GPR17: variants seen among roughly 807,000 people sequenced by gnomAD.
GPR17 encodes the protein uracil nucleotide/cysteinyl leukotriene receptor.
In GPR17, 4 loss-of-function variants were observed where a neutral mutation model predicts 1.5. That is an observed-to-expected ratio of 2.73 (90% CI 1.35 to 6.25). The LOEUF is 6.25. Ranked by LOEUF, GPR17 falls within the 30% of genes most tolerant of loss-of-function variation. The pLI, the probability that GPR17 is intolerant of heterozygous loss-of-function variation, is 0.00. For missense variants in GPR17, 463 were observed against 462.1 expected (o/e 1.00, Z -0.02); for synonymous variants, 209 against 207.6 (o/e 1.01, Z -0.06).
rs367618747 is a variant in GPR17 at position 127,651,252 on chromosome 2, G to A, written c.517G>A (p.Val173Met). 1.8e-4 allele frequency: 295 copies of A among 1,606,194 alleles called. No homozygotes were observed. Among genetic ancestry groups the A allele is most frequent in the African/African-American group, 6.0e-4 (45 of 75,038 alleles). The change falls in exon 2 of 2, where the codon GTG becomes ATG. Residue 173 changes from valine to methionine, a missense_variant. Transcript: ENST00000486700. ...CCCGCTGCTGGTGAGCCCACAGACC[G>A]TGCAGACCAACCACACGGTGGTCTG... is the stretch of plus-strand genomic sequence containing the variant. The part of the protein sequence containing the change: ...MAPLLVSPQT[V>M]QTNHTVVCLQ...
chr2:127,650,309 GC>G, intron 1 of GPR17: 1 of 569,178 alleles, frequency 1.8e-6, no homozygotes, highest in Non-Finnish European at 3.1e-6. Context: ...GAGACACACT[GC>G]CCCCGCCCCT....
At position 127,650,784 on chromosome 2, in the gene GPR17, C is replaced by G. The variant is rs147409022; in HGVS notation, c.49C>G (p.Leu17Val). 30 of 1,613,736 alleles carry G rather than the reference C, an allele frequency of 1.9e-5. No homozygotes were observed. The highest frequency in any genetic ancestry group is 2.7e-5 in the African/African-American group (2 of 74,930). Residue 17 changes from leucine to valine, a missense_variant, in exon 2 of 2, where the codon CTG (leucine) becomes GTG (valine). Transcript: ENST00000486700. ...CCCAGGTCTGATCACCAACTTCTCC[C>G]TGGCCACGGCAGAGCAATGTGGCCA... ...APPGLITNFS[L>V]ATAEQCGQET...
At position 127,647,857 on chromosome 2, in the gene GPR17, GCC is replaced by G. The variant is rs1209226199; in HGVS notation, c.-21+1618_-21+1619del. Among the ~76,000 whole-genome samples, 1 of 151,892 alleles carries G rather than the reference GCC, an allele frequency of 6.6e-6. No homozygotes were observed. Among genetic ancestry groups the G allele is most frequent in the Non-Finnish European group, 1.5e-5 (1 of 67,944 alleles). ...CAACACGACACCCTCAAAGTCATGG[GCC>G]CCCCTCCCCTGCCACCGTCCCACCG... On this transcript the variant is annotated intron_variant, in intron 1 of 1. Coordinates refer to ENST00000486700, the MANE Select transcript of GPR17 (RefSeq NM_001161417.2). This position sits in a 1 kb window ranked among gnomAD's most constrained non-coding sequence, Gnocchi z 4.3.
chr2:127,648,269 C>CG, intron 1 of GPR17: 2 of 884,500 alleles, frequency 2.3e-6, no homozygotes, highest in Non-Finnish European at 2.7e-6. Flanking sequence ...ACTCTGAAGC[C>CG]GGGGGCAATC....
Position 127,650,817 on chromosome 2 carries a change from C to T in GPR17, c.82C>T (p.Pro28Ser). ...ATAEQCGQET[P>S]LENMLFASFY... ...GGCAGAGCAATGTGGCCAGGAGACG[C>T]CACTGGAGAACATGCTGTTCGCCTC... Residue 28 changes from proline (P) to serine (S), a missense_variant, in exon 2 of 2, where the codon CCA (proline) becomes TCA (serine). Physicochemically the swap from Pro to Ser is moderately conservative, Grantham distance 74. Transcript: ENST00000486700. 1 of 1,613,906 alleles carries T rather than the reference C, an allele frequency of 6.2e-7. No individual in the cohort carries two copies. Among genetic ancestry groups the T allele is most frequent in the South Asian group, 1.1e-5 (1 of 91,086 alleles).
At chr2:127,650,633 G>T in intron 1 of GPR17, 83 bp from the exon 2 acceptor site, 1 of 953,542 alleles carries the variant, frequency 1.0e-6, no homozygotes. Context: ...TGAAGGCATT[G>T]GAGGCCTGAC....
chr2:127,651,190 G>C lies in GPR17; in HGVS notation c.455G>C (p.Cys152Ser), dbSNP rs1190926520. Residue 152 changes from cysteine (C) to serine (S), a missense_variant, in exon 2 of 2, where the codon TGT becomes TCT. Coordinates refer to ENST00000486700, the MANE Select transcript of GPR17 (RefSeq NM_001161417.2). ...LRRPLYAHLA[C>S]AFLWVVVAVA... ...AGGCCCCTCTACGCACACCTGGCCT[G>C]TGCCTTCCTGTGGGTGGTGGTGGCT... The C allele has an allele frequency of 6.2e-7, 1 of 1,611,360 alleles. No homozygotes were observed. Among genetic ancestry groups the C allele is most frequent in the South Asian group, 1.1e-5 (1 of 91,014 alleles).
rs934029152 is a variant in GPR17, at chr2:127,651,294, G to A, written c.559G>A (p.Glu187Lys). Residue 187 changes from glutamate (E) to lysine (K), a missense_variant, in exon 2 of 2, where the codon GAG becomes AAG. Glu to Lys is a moderately conservative substitution (Grantham distance 56). Transcript: ENST00000486700. ...GGTGGTCTGCCTGCAGCTGTACCGG[G>A]AGAAGGCCTCCCACCATGCCCTGGT... ...HTVVCLQLYR[E>K]KASHHALVSL... 6 of 1,608,278 alleles carry A rather than the reference G, an allele frequency of 3.7e-6. No individual in the cohort carries two copies. The highest frequency in any genetic ancestry group is 1.6e-4 in the Middle Eastern group (1 of 6,084).
Position 127,650,959 on chromosome 2 carries a change from T to G in GPR17, c.224T>G (p.Val75Gly). The G allele has an allele frequency of 6.2e-7, 1 of 1,613,894 alleles. No homozygotes were observed. Among genetic ancestry groups the G allele is most frequent in the Non-Finnish European group, 8.5e-7 (1 of 1,180,042 alleles). Residue 75 changes from valine to glycine, a missense_variant, in exon 2 of 2, where the codon GTG (valine) becomes GGG (glycine). Physicochemically the swap from Val to Gly is moderately radical, Grantham distance 109 (BLOSUM62 -3). Coordinates refer to ENST00000486700, the MANE Select transcript of GPR17 (RefSeq NM_001161417.2). ...PANVFLMHLA[V>G]ADLSCVLVLP... The stretch of plus-strand genomic sequence containing the variant: ...AACGTGTTCCTGATGCATCTGGCCG[T>G]GGCCGACTTGTCGTGCGTGCTGGTC...
chr2:127,649,086 AAAAAG>A lies in GPR17; in HGVS notation c.-20-1625_-20-1621del, dbSNP rs1431185479. Among the ~76,000 whole-genome samples, 270 of 146,902 alleles carry A rather than the reference AAAAAG, an allele frequency of 1.8e-3. 2 individuals are homozygous for A. Among genetic ancestry groups the A allele is most frequent in the African/African-American group, 5.9e-3 (241 of 40,792 alleles). On this transcript the variant is annotated intron_variant, in intron 1 of 1. Transcript: ENST00000486700. ...AAGGAAGGAAGGAAAAAGAAAAGAAAAAAAGAAAAAAGAAAAGAAAAAAGGAAAAT... is the reference window on the plus strand; with the variant it reads ...AAGGAAGGAAGGAAAAAGAAAAGAAAAAAAAAGAAAAGAAAAAAGGAAAAT...
rs1275444017 is a variant in GPR17 at position 127,651,721 on chromosome 2, A to T, written c.986A>T (p.Asn329Ile). Residue 329 changes from asparagine to isoleucine, a missense_variant, in exon 2 of 2, where the codon AAC becomes ATC. Asn to Ile is a moderately radical substitution (Grantham distance 149). Coordinates refer to ENST00000486700, the MANE Select transcript of GPR17 (RefSeq NM_001161417.2). ...GPPPSFEGKT[N>I]ESSLSAKSEL is the part of the protein sequence containing the mutation. ...CCCCCCAGCTTCGAAGGGAAAACCAACGAGAGCTCGCTGAGTGCCAAGTCA... is the reference window on the plus strand; with the variant it reads ...CCCCCCAGCTTCGAAGGGAAAACCATCGAGAGCTCGCTGAGTGCCAAGTCA... 6.2e-7 allele frequency: 1 copy of T among 1,612,544 alleles called. No individual in the cohort carries two copies. Among genetic ancestry groups the T allele is most frequent in the Non-Finnish European group, 8.5e-7 (1 of 1,179,820 alleles).
At chr2:127,649,560 C>T (rs549526561) in intron 1 of GPR17, among the ~76,000 whole-genome samples, 429 of 152,352 alleles carry the variant, frequency 2.8e-3, no homozygotes, top group Non-Finnish European at 4.9e-3. Flanking sequence ...TTCCGGGCTG[C>T]GGGCTGCTCT....
chr2:127,650,816 G>A lies in GPR17; in HGVS notation c.81G>A (p.Thr27=), dbSNP rs145234598. 173 of 1,613,866 alleles carry A rather than the reference G, an allele frequency of 1.1e-4. No individual in the cohort carries two copies. The highest frequency in any genetic ancestry group is 3.2e-4 in the South Asian group (29 of 91,078). Residue 27 remains threonine (T), a synonymous_variant, in exon 2 of 2, where the codon ACG becomes ACA. Coordinates refer to ENST00000486700, the MANE Select transcript of GPR17 (RefSeq NM_001161417.2). ...CGGCAGAGCAATGTGGCCAGGAGAC[G>A]CCACTGGAGAACATGCTGTTCGCCT... ...LATAEQCGQE[T]PLENMLFASF...
At chr2:127,650,158 C>T (rs1175904520) in intron 1 of GPR17, 18 of 1,284,192 alleles carry the variant, frequency 1.4e-5, no homozygotes, top group Non-Finnish European at 2.0e-5. Flanking sequence ...GTGCCAGGGG[C>T]AAGCCATGGT....
rs1291700761 is a variant in GPR17, at chr2:127,647,484, T to A, written c.-21+1240T>A. 6.6e-6 allele frequency among the ~76,000 whole-genome samples: 1 copy of A among 152,142 alleles called. No homozygotes were observed. Among genetic ancestry groups the A allele is most frequent in the Non-Finnish European group, 1.5e-5 (1 of 68,012 alleles). ...AGCCAGCACAGGCAGGCCCCCACCA[T>A]GCCAGGCAGAGTGGTCAGTCGTACC... On this transcript the variant is annotated intron_variant, in intron 1 of 1. Coordinates refer to ENST00000486700, the MANE Select transcript of GPR17 (RefSeq NM_001161417.2). This position sits in a 1 kb window ranked among gnomAD's most constrained non-coding sequence, Gnocchi z 4.3.
At chr2:127,650,305 C>T in intron 1 of GPR17, 4 of 574,256 alleles carry the variant, frequency 7.0e-6, no homozygotes, top group Non-Finnish European at 1.2e-5. Flanking sequence ...CCCGGAGACA[C>T]ACTGCCCCCG....
At position 127,651,721 on chromosome 2, in the gene GPR17, A is replaced by G; in HGVS notation, c.986A>G (p.Asn329Ser). Reference sequence around the variant, plus strand: ...CCCCCCAGCTTCGAAGGGAAAACCAACGAGAGCTCGCTGAGTGCCAAGTCA... The same window carrying G: ...CCCCCCAGCTTCGAAGGGAAAACCAGCGAGAGCTCGCTGAGTGCCAAGTCA... ...GPPPSFEGKTNESSLSAKSEL is the reference protein window; with the variant it reads ...GPPPSFEGKTSESSLSAKSEL The change falls in exon 2 of 2, where the codon AAC (asparagine) becomes AGC (serine). Residue 329 changes from asparagine to serine, a missense_variant. Coordinates refer to ENST00000486700, the MANE Select transcript of GPR17 (RefSeq NM_001161417.2). 1 of 1,612,670 alleles carries G rather than the reference A, an allele frequency of 6.2e-7. No homozygotes were observed. Among genetic ancestry groups the G allele is most frequent in the Non-Finnish European group, 8.5e-7 (1 of 1,179,816 alleles).
intron 1 of GPR17, chr2:127,650,309 G>C: frequency 1.8e-6 from 1 of 569,180 alleles, no homozygotes; most frequent in South Asian, 2.1e-5. Flanking sequence ...GAGACACACT[G>C]CCCCCGCCCC....
In GPR17 at chr2:127,651,144, G is replaced by C. The variant is rs778163257; in HGVS notation, c.409G>C (p.Val137Leu). The change falls in exon 2 of 2, where the codon GTC (valine) becomes CTC (leucine). Residue 137 changes from valine (V) to leucine (L), a missense_variant. By Grantham distance (32) the Val-to-Leu change is conservative. Coordinates refer to ENST00000486700, the MANE Select transcript of GPR17 (RefSeq NM_001161417.2). Reference sequence around the variant, plus strand: ...CCGTTTCCTGGCCATTGTGCACCCGGTCAAGTCCCTCAAGCTCCGCAGGCC... The same window carrying C: ...CCGTTTCCTGGCCATTGTGCACCCGCTCAAGTCCCTCAAGCTCCGCAGGCC... ...ADRFLAIVHPVKSLKLRRPLY... is the reference protein window; with the variant it reads ...ADRFLAIVHPLKSLKLRRPLY... The C allele has an allele frequency of 1.2e-6, 2 of 1,613,218 alleles. No homozygotes were observed. Among genetic ancestry groups the C allele is most frequent in the Admixed American group, 1.7e-5 (1 of 60,024 alleles).
Sources: allele counts gnomAD v4.1 joint callset (sites outside exome capture counted in the v4.1 genomes callset), GRCh38; gene constraint gnomAD v4.1.1; non-coding constraint Gnocchi (gnomAD v3.1); transcripts MANE v1.5; gene names NCBI Gene and HGNC (gene_info 2026-07-23, HGNC 2026-07-21).